ITPRIP: variants seen among roughly 807,000 people sequenced by gnomAD.
ITPRIP encodes inositol 1,4,5-trisphosphate receptor interacting protein, also known as inositol 1,4,5-trisphosphate receptor-interacting protein.
ITPRIP carries 32 observed loss-of-function variants against 35.8 expected under a neutral mutation model. The observed-to-expected ratio is 0.89, with a 90% confidence interval of 0.68 to 1.20. The LOEUF (loss-of-function observed/expected upper bound fraction) is 1.20. ITPRIP is among the 50% of genes most tolerant of loss of function. The pLI, the probability that ITPRIP is intolerant of heterozygous loss-of-function variation, is 0.00. For missense variants in ITPRIP, 653 were observed against 735.6 expected (o/e 0.89, Z 1.30); for synonymous variants, 358 against 324.0 (o/e 1.11, Z -1.13).
chr10:104,334,305 C>T (rs1392836972), intron 1 of ITPRIP, among the ~76,000 whole-genome samples: 1 of 152,256 alleles, frequency 6.6e-6, no homozygotes, highest in Middle Eastern at 3.2e-3. Context: ...CTGGCCTACG[C>T]AGGGGATGCA....
chr10:104,334,120 C>T (rs888225478), intron 1 of ITPRIP, among the ~76,000 whole-genome samples: 1 of 152,200 alleles, frequency 6.6e-6, no homozygotes, highest in African/African-American at 2.4e-5. Context: ...CTTCAAAGCC[C>T]GTGCAGTCAC....
chr10:104,330,938 T>C (rs2014135221), intron 1 of ITPRIP, among the ~76,000 whole-genome samples: 2 of 152,226 alleles, frequency 1.3e-5, no homozygotes, highest in Admixed American at 6.5e-5. Flanking sequence ...TGTGAAACAT[T>C]AGACATGTAC....
intron 1 of ITPRIP, among the ~76,000 whole-genome samples, chr10:104,331,949 C>T (rs954440841): frequency 2.3e-4 from 35 of 152,160 alleles, no homozygotes; most frequent in African/African-American, 8.4e-4. Flanking sequence ...ACACTTAAAA[C>T]TTTGTGGGAT....
Position 104,314,918 on chromosome 10 carries a change from T to A in ITPRIP, c.1134A>T (p.Thr378=), listed in dbSNP as rs372550946. The A allele has an allele frequency of 2.5e-6, 4 of 1,613,754 alleles. No individual in the cohort carries two copies. Among genetic ancestry groups the A allele is most frequent in the Non-Finnish European group, 3.4e-6 (4 of 1,180,006 alleles). Residue 378 remains threonine, a synonymous_variant, in exon 2 of 2, where the codon ACA becomes ACT. Transcript: ENST00000337478. ...EPSEGTPASS[T]DWLLSFAVYE... ...AGACAGCAAAGGACAGGAGCCAGTC[T>A]GTGCTGGAGGCTGGGGTGCCCTCAG...
Position 104,312,827 on chromosome 10 carries a change from G to C in ITPRIP, c.*1581C>G. 1.0e-6 allele frequency: 1 copy of C among 985,372 alleles called. No individual in the cohort carries two copies. The highest frequency in any genetic ancestry group is 1.2e-6 in the Non-Finnish European group (1 of 829,938). The allele number at this position is 985,372 out of a possible 1,614,324, so 61.0% of individuals were successfully genotyped here. A position where few individuals can be genotyped will look rare whatever the true frequency, so the allele number is the denominator to read the frequency against. On this transcript the variant is annotated 3_prime_UTR_variant, in exon 2 of 2. Transcript: ENST00000337478. ...GTAACTGGGCACCCCTGTCAAGTTGGTTATGCTCTCGGGAAGGCATGGCCG... is the reference window on the plus strand; with the variant it reads ...GTAACTGGGCACCCCTGTCAAGTTGCTTATGCTCTCGGGAAGGCATGGCCG...
At chr10:104,334,303 C>T (rs192602719) in intron 1 of ITPRIP, among the ~76,000 whole-genome samples, 42 of 152,336 alleles carry the variant, frequency 2.8e-4, no homozygotes, top group Middle Eastern at 6.8e-3. Flanking sequence ...CCCTGGCCTA[C>T]GCAGGGGATG....
At chr10:104,330,114 G>A (rs2014118353) in intron 1 of ITPRIP, among the ~76,000 whole-genome samples, 2 of 152,204 alleles carry the variant, frequency 1.3e-5, no homozygotes, top group South Asian at 4.1e-4. Flanking sequence ...CATTGACACT[G>A]ACAGCTCTTC....
Position 104,315,727 on chromosome 10 carries a change from C to T in ITPRIP, c.325G>A (p.Glu109Lys), listed in dbSNP as rs530938921. 2.5e-5 allele frequency: 40 copies of T among 1,613,724 alleles called. No individual in the cohort carries two copies. In the African/African-American group the frequency reaches 4.5e-4, roughly 18 times the overall value. The stretch of plus-strand genomic sequence containing the variant: ...CCCAGGCACTCAGGTGAGGGCCCCT[C>T]CTGGTGGTCCTGCCGCCACACCTCG... ...MIEVWRQDHQ[E>K]GPSPECLGGE... The change falls in exon 2 of 2, where the codon GAG becomes AAG. Residue 109 changes from glutamate to lysine, a missense_variant. By Grantham distance (56) the Glu-to-Lys change is moderately conservative. Coordinates refer to ENST00000337478, the MANE Select transcript of ITPRIP (RefSeq NM_001272013.2). This position sits in a 1 kb window ranked among gnomAD's most constrained non-coding sequence, Gnocchi z 5.7.
Position 104,311,268 on chromosome 10 carries a change from G to GTCTA in ITPRIP, c.*3136_*3139dup, listed in dbSNP as rs368786058. 6.6e-6 allele frequency: 1 copy of GTCTA among 152,162 alleles called. No homozygotes were observed. The highest frequency in any genetic ancestry group is 1.5e-5 in the Non-Finnish European group (1 of 68,032). The allele number at this position is 152,162 out of a possible 1,614,324, so 9.4% of individuals were successfully genotyped here. On this transcript the variant is annotated 3_prime_UTR_variant, in exon 2 of 2. Coordinates refer to ENST00000337478, the MANE Select transcript of ITPRIP (RefSeq NM_001272013.2). ...AAGCAGGCTCATTGGCTTTTCCCAG[G>GTCTA]TCTATCTATCTTCCAATAGATCTGT...
At chr10:104,319,372 T>TG (rs1185749018) in intron 1 of ITPRIP, among the ~76,000 whole-genome samples, 1 of 152,136 alleles carries the variant, frequency 6.6e-6, no homozygotes, top group Non-Finnish European at 1.5e-5. Flanking sequence ...GCCCCAGGCA[T>TG]GGGGAGTAAA....
rs185870905 is a variant in ITPRIP at position 104,328,388 on chromosome 10, G to T, written c.-14+9858C>A. ...GGACATGCCAGAGTTCCCAAGAGTC[G>T]TCCCCTTTCTCTCTCTCCACCCCAT... On this transcript the variant is annotated intron_variant, in intron 1 of 1. Coordinates refer to ENST00000337478, the MANE Select transcript of ITPRIP (RefSeq NM_001272013.2). The surrounding 1 kb of genome is among the most constrained non-coding windows in gnomAD (Gnocchi z 4.1). 266 of 610,064 alleles carry T rather than the reference G, an allele frequency of 4.4e-4. 1 individual carries two copies. The African/African-American group carries it at 5.6e-3, about 13-fold the overall frequency. 37.8% of individuals were successfully genotyped at this position (610,064 alleles called of 1,614,324 possible).
rs571372298 is a variant in ITPRIP, at chr10:104,314,814, G to A, written c.1238C>T (p.Ser413Phe). 2.2e-4 allele frequency: 362 copies of A among 1,613,934 alleles called. 5 individuals are homozygous for A. The South Asian group carries it at 3.8e-3, about 17-fold the overall frequency. The change falls in exon 2 of 2, where the codon TCC becomes TTC. Residue 413 changes from serine to phenylalanine, a missense_variant. Transcript: ENST00000337478. Reference sequence around the variant, plus strand: ...GCGGCTCTGCTTGGAGAGCAGGAAGGATGCTATCTGCAGGCAGCTGAGGTG... The same window carrying A: ...GCGGCTCTGCTTGGAGAGCAGGAAGAATGCTATCTGCAGGCAGCTGAGGTG... The part of the protein sequence containing the change: ...ACHLSCLQIA[S>F]FLLSKQSRLT...
At chr10:104,317,224 T>G (rs546378400) in intron 1 of ITPRIP, among the ~76,000 whole-genome samples, 1 of 152,242 alleles carries the variant, frequency 6.6e-6, no homozygotes, top group Middle Eastern at 3.2e-3. Context: ...TTACCAGGCA[T>G]GTGAACTTTA....
rs760255041 is a variant in ITPRIP at position 104,315,983 on chromosome 10, G to A, written c.69C>T (p.Phe23=). Residue 23 remains phenylalanine, a synonymous_variant, in exon 2 of 2, where the codon TTC becomes TTT. Coordinates refer to ENST00000337478, the MANE Select transcript of ITPRIP (RefSeq NM_001272013.2). The surrounding 1 kb of genome is among the most constrained non-coding windows in gnomAD (Gnocchi z 5.7). ...VTAIINHPLL[F]PRENATVPEN... ...CGGGGACTGTGGCGTTCTCCCGCGG[G>A]AACAGCAGCGGGTGGTTGATGATGG... 3 of 1,612,438 alleles carry A rather than the reference G, an allele frequency of 1.9e-6. No individual in the cohort carries two copies. Among genetic ancestry groups the A allele is most frequent in the Non-Finnish European group, 2.5e-6 (3 of 1,179,540 alleles).
At position 104,337,756 on chromosome 10, in the gene ITPRIP, G is replaced by GA. The variant is rs111964351; in HGVS notation, c.-14+489dup. Among the ~76,000 whole-genome samples the GA allele has an allele frequency of 8.5e-4, 128 of 151,248 alleles. 1 individual carries two copies. The highest frequency in any genetic ancestry group is 2.4e-3 in the African/African-American group (99 of 41,278). On this transcript the variant is annotated intron_variant, in intron 1 of 1. Coordinates refer to ENST00000337478, the MANE Select transcript of ITPRIP (RefSeq NM_001272013.2). Reference sequence around the variant, plus strand: ...CCATAACTTCACTACCATGAACCGAGAAAAAAAAACTTCACGCCTATTCCT... The same window carrying GA: ...CCATAACTTCACTACCATGAACCGAGAAAAAAAAAACTTCACGCCTATTCCT...
At position 104,313,958 on chromosome 10, in the gene ITPRIP, G is replaced by C; in HGVS notation, c.*450C>G. 5.0e-6 allele frequency: 5 copies of C among 993,128 alleles called. No individual in the cohort carries two copies. Among genetic ancestry groups the C allele is most frequent in the Non-Finnish European group, 6.0e-6 (5 of 834,662 alleles). The allele number at this position is 993,128 out of a possible 1,614,324, so 61.5% of individuals were successfully genotyped here. On this transcript the variant is annotated 3_prime_UTR_variant, in exon 2 of 2. Coordinates refer to ENST00000337478, the MANE Select transcript of ITPRIP (RefSeq NM_001272013.2). Reference sequence around the variant, plus strand: ...GCTTTGGCTGCAGATGGTCAGGCCAGAAGCTCCTGGGAATAGGGGTGCTGG... The same window carrying C: ...GCTTTGGCTGCAGATGGTCAGGCCACAAGCTCCTGGGAATAGGGGTGCTGG...
chr10:104,325,956 G>A (rs1194690217), intron 1 of ITPRIP, among the ~76,000 whole-genome samples: 1 of 152,178 alleles, frequency 6.6e-6, no homozygotes, highest in Non-Finnish European at 1.5e-5. Flanking sequence ...GCAGAGAGGG[G>A]AGAGCTCCAC....
chr10:104,316,142 C>T (rs1046199737), intron 1 of ITPRIP, 78 bp from the exon 2 acceptor site: 2 of 1,254,380 alleles, frequency 1.6e-6, no homozygotes, highest in Non-Finnish European at 2.1e-6. Flanking sequence ...CCAACCTCAG[C>T]CCCTCAGGGC....
intron 1 of ITPRIP, among the ~76,000 whole-genome samples, chr10:104,337,648 G>A (rs1234533844): frequency 2.0e-5 from 3 of 152,116 alleles, no homozygotes; most frequent in East Asian, 1.9e-4. Flanking sequence ...CAGCCCAAGA[G>A]CAAGTCTGCA....
Sources: allele counts gnomAD v4.1 joint callset (sites outside exome capture counted in the v4.1 genomes callset), GRCh38; gene constraint gnomAD v4.1.1; non-coding constraint Gnocchi (gnomAD v3.1); transcripts MANE v1.5; gene names NCBI Gene and HGNC (gene_info 2026-07-23, HGNC 2026-07-21).